ICA1: variants seen among roughly 807,000 people sequenced by gnomAD.
ICA1 encodes the protein islet cell autoantigen 1, also known as 69 kDa islet cell autoantigen.
ICA1 carries 40 observed loss-of-function variants against 71.0 expected under a neutral mutation model. That is an observed-to-expected ratio of 0.56 (90% CI 0.44 to 0.73). ICA1 has a LOEUF of 0.73. Among genes scored for constraint, ICA1 ranks in the 30% least tolerant of loss-of-function variants. The probability of loss-of-function intolerance (pLI) is 0.00; values close to 1 mark genes in which losing one functional copy is unlikely to be tolerated. For synonymous variants in ICA1, 207 were observed against 209.5 expected (o/e 0.99, Z 0.10); for missense variants, 578 against 576.5 (o/e 1.00, Z -0.03).
chr7:8,123,934 C>A lies in ICA1; in HGVS notation c.1330+3939G>T, dbSNP rs1409653987. 6.6e-6 allele frequency among the ~76,000 whole-genome samples: 1 copy of A among 152,144 alleles called. No individual in the cohort carries two copies. Among genetic ancestry groups the A allele is most frequent in the African/African-American group, 2.4e-5 (1 of 41,432 alleles). ...TTGGGCACATCACTTAACCACTGTT[C>A]CTCAGTTTCCCAGGCAATAAAACGG... On this transcript the variant is annotated intron_variant, in intron 13 of 13. Transcript: ENST00000402384. The surrounding 1 kb of genome is among the most constrained non-coding windows in gnomAD (Gnocchi z 4.1).
At chr7:8,156,697 A>G in intron 8 of ICA1, 2 of 791,968 alleles carry the variant, frequency 2.5e-6, no homozygotes, top group Non-Finnish European at 3.7e-6. Context: ...GGAAAGGAGG[A>G]CACCTTCTCA....
rs1392553541 is a variant in ICA1, at chr7:8,173,402, G to T, written c.580-14750C>A. Among the ~76,000 whole-genome samples, 2 of 152,056 alleles carry T rather than the reference G, an allele frequency of 1.3e-5. No individual in the cohort carries two copies. Among genetic ancestry groups the T allele is most frequent in the African/African-American group, 4.8e-5 (2 of 41,384 alleles). On this transcript the variant is annotated intron_variant, in intron 6 of 13. Transcript: ENST00000402384. The surrounding 1 kb of genome is among the most constrained non-coding windows in gnomAD (Gnocchi z 4.0). ...ACACATCAAATATATCCAAATCTAT[G>T]AGTTCATAATAATACTTAAAAACAA...
chr7:8,124,647 T>A (rs1260402957), intron 13 of ICA1, among the ~76,000 whole-genome samples: 1 of 152,196 alleles, frequency 6.6e-6, no homozygotes, highest in Non-Finnish European at 1.5e-5. Context: ...TCTGTAAGTG[T>A]GGCAGAAGCT....
At chr7:8,207,630 G>C (rs1384599340) in intron 6 of ICA1, among the ~76,000 whole-genome samples, 1 of 152,172 alleles carries the variant, frequency 6.6e-6, no homozygotes, top group African/African-American at 2.4e-5. Context: ...GACACTTTTT[G>C]AGGTAAGTGG....
At position 8,140,107 on chromosome 7, in the gene ICA1, G is replaced by T. The variant is rs1794708655; in HGVS notation, c.956-1060C>A. Among the ~76,000 whole-genome samples the T allele has an allele frequency of 2.0e-5, 3 of 152,142 alleles. No individual in the cohort carries two copies. The South Asian group carries it at 6.2e-4, about 32-fold the overall frequency. ...ATTGTATGAATATATAATTTATATA[G>T]ATTTATAACTTGCATACAAATATAA... On this transcript the variant is annotated intron_variant, in intron 10 of 13. Transcript: ENST00000402384.
chr7:8,136,518 T>C (rs1288914369), intron 12 of ICA1, among the ~76,000 whole-genome samples: 1 of 152,228 alleles, frequency 6.6e-6, no homozygotes, highest in Non-Finnish European at 1.5e-5. Context: ...AGAATATTTT[T>C]ATTCTACCGA....
At chr7:8,247,566 C>T (rs528360512) in intron 1 of ICA1, among the ~76,000 whole-genome samples, 2 of 152,280 alleles carry the variant, frequency 1.3e-5, no homozygotes, top group Non-Finnish European at 2.9e-5. Flanking sequence ...CCCAAAGGTA[C>T]ACAGAATGCT....
chr7:8,134,010 T>C (rs977415503), intron 12 of ICA1, among the ~76,000 whole-genome samples: 1 of 152,106 alleles, frequency 6.6e-6, no homozygotes, highest in African/African-American at 2.4e-5. Context: ...ACAGTCAAGG[T>C]GTTTTCTCAC....
chr7:8,158,456 C>A, intron 7 of ICA1, 71 bp downstream of exon 7: 2 of 1,572,144 alleles, frequency 1.3e-6, no homozygotes, highest in South Asian at 2.3e-5. Flanking sequence ...ACTTTTAGCT[C>A]AAACACCATT....
At chr7:8,225,348 T>C (rs2128439716) in intron 4 of ICA1, among the ~76,000 whole-genome samples, 2 of 152,370 alleles carry the variant, frequency 1.3e-5, no homozygotes, top group East Asian at 1.9e-4. Flanking sequence ...AATTCAAAAC[T>C]GTCATTATTT....
intron 10 of ICA1, 74 bp downstream of exon 10, chr7:8,141,691 A>C: frequency 1.0e-6 from 1 of 976,066 alleles, no homozygotes; most frequent in Non-Finnish European, 1.6e-6. Flanking sequence ...GAGTTTGTCA[A>C]AAAGTAAAAT....
At chr7:8,205,749 A>G (rs1004952761) in intron 6 of ICA1, among the ~76,000 whole-genome samples, 2 of 152,234 alleles carry the variant, frequency 1.3e-5, no homozygotes, top group Non-Finnish European at 2.9e-5. Context: ...AACTGATGAA[A>G]TCGCTAGATT....
In ICA1 at chr7:8,195,977, C is replaced by CACAACAACA. The variant is rs202049966; in HGVS notation, c.579+22319_579+22327dup. ...TGGGCAACAGAGTGAGGCTCCGTCT[C>CACAACAACA]ACAACAACAACAACAACAACAACAC... On this transcript the variant is annotated intron_variant, in intron 6 of 13. Coordinates refer to ENST00000402384, the MANE Select transcript of ICA1 (RefSeq NM_001136020.3). Among the ~76,000 whole-genome samples the CACAACAACA allele has an allele frequency of 6.3e-3, 820 of 129,306 alleles. 7 individuals are homozygous for CACAACAACA. The highest frequency in any genetic ancestry group is 0.046 in the East Asian group (200 of 4,310). The allele number at this position is 129,306 out of a possible 152,430, so 84.8% of individuals were successfully genotyped here.
At chr7:8,220,135 T>C (rs1038070811) in intron 5 of ICA1, among the ~76,000 whole-genome samples, 2 of 152,200 alleles carry the variant, frequency 1.3e-5, no homozygotes, top group African/African-American at 4.8e-5. Flanking sequence ...TTATAAATAA[T>C]ACTAAATGGT....
intron 12 of ICA1, among the ~76,000 whole-genome samples, chr7:8,134,496 C>T (rs1792638713): frequency 6.6e-6 from 1 of 152,168 alleles, no homozygotes; most frequent in South Asian, 2.1e-4. Context: ...CTTAATTTAC[C>T]TTCATCTGCG....
chr7:8,240,286 G>C (rs1803342157), intron 1 of ICA1, among the ~76,000 whole-genome samples: 1 of 152,048 alleles, frequency 6.6e-6, no homozygotes, highest in Non-Finnish European at 1.5e-5. Context: ...AGTCTGGAGT[G>C]GACCTCCAGC....
At chr7:8,199,449 G>A (rs1207074293) in intron 6 of ICA1, among the ~76,000 whole-genome samples, 2 of 152,176 alleles carry the variant, frequency 1.3e-5, no homozygotes, top group African/African-American at 2.4e-5. Context: ...GGTGGCTCAC[G>A]CCTGTAACCC....
At position 8,143,501 on chromosome 7, in the gene ICA1, T is replaced by C. The variant is rs529707476; in HGVS notation, c.902+374A>G. 5.9e-5 allele frequency among the ~76,000 whole-genome samples: 9 copies of C among 152,276 alleles called. No homozygotes were observed. The South Asian group carries it at 6.2e-4, about 11-fold the overall frequency. ...GAGAGAAAAGCCAGGGGATTTCCTA[T>C]CTAGAAGAGCATCTAGTGTTGACAA... On this transcript the variant is annotated intron_variant, in intron 9 of 13. Transcript: ENST00000402384.
chr7:8,154,986 T>A (rs562616110), intron 8 of ICA1, among the ~76,000 whole-genome samples: 1 of 152,272 alleles, frequency 6.6e-6, no homozygotes, highest in East Asian at 1.9e-4. Flanking sequence ...CTAAAAGTAA[T>A]GGAAAAACCC....
Sources: allele counts gnomAD v4.1 joint callset (sites outside exome capture counted in the v4.1 genomes callset), GRCh38; gene constraint gnomAD v4.1.1; non-coding constraint Gnocchi (gnomAD v3.1); transcripts MANE v1.5; gene names NCBI Gene and HGNC (gene_info 2026-07-23, HGNC 2026-07-21).